PCDHA10: variants seen among roughly 807,000 people sequenced by gnomAD.
PCDHA10 encodes the protein protocadherin alpha-10.
Under a neutral mutation model 61.2 loss-of-function variants are expected in PCDHA10, and 45 were observed. The observed-to-expected ratio is 0.74, with a 90% CI of 0.58 to 0.94. The LOEUF (loss-of-function observed/expected upper bound fraction) is 0.94, where lower values mean the gene tolerates loss of function less well. Ranked by LOEUF, PCDHA10 falls within the 40% of genes least tolerant of loss-of-function variation. The pLI is 0.00. For missense variants in PCDHA10, 1,278 were observed against 1,236.2 expected, an observed-to-expected ratio of 1.03 and a Z score of -0.51; for synonymous variants, 602 against 548.8, an observed-to-expected ratio of 1.10 and a Z score of -1.35.
intron 1 of PCDHA10, chr5:140,969,289 G>C: frequency 6.2e-7 from 1 of 1,614,208 alleles, no homozygotes; most frequent in Non-Finnish European, 8.5e-7. Context: ...AGAATGCTGG[G>C]AACCTGATTA....
chr5:140,930,358 T>A (rs1253370170), intron 1 of PCDHA10: 1 of 152,216 alleles, frequency 6.6e-6, no homozygotes, highest in African/African-American at 2.4e-5. Context: ...AATATTTCAA[T>A]TTATCTGTTA....
At chr5:140,941,255 C>CTTTT (rs782490896) in intron 1 of PCDHA10, among the ~76,000 whole-genome samples, 1 of 44,504 alleles carries the variant, frequency 2.2e-5, no homozygotes, top group Non-Finnish European at 5.1e-5. Flanking sequence ...TTCTTTCTTT[C>CTTTT]TCTTTCTTTC....
rs1234453098 is a variant in PCDHA10, at chr5:141,010,058, C to A, written c.*121C>A. 2 of 1,600,982 alleles carry A rather than the reference C, an allele frequency of 1.2e-6. No homozygotes were observed. The highest frequency in any genetic ancestry group is 1.7e-6 in the Non-Finnish European group (2 of 1,173,736). Reference sequence around the variant, plus strand: ...GAGCCCTCTTAGAGACCTCAGAAATCTGCAGAAAGTTCCCTGTGTCTGTCT... The same window carrying A: ...GAGCCCTCTTAGAGACCTCAGAAATATGCAGAAAGTTCCCTGTGTCTGTCT... On this transcript the variant is annotated 3_prime_UTR_variant, in exon 4 of 4. Transcript: ENST00000307360.
At chr5:140,962,854 G>A (rs1396651838) in intron 1 of PCDHA10, among the ~76,000 whole-genome samples, 7 of 152,054 alleles carry the variant, frequency 4.6e-5, no homozygotes, top group African/African-American at 9.7e-5. Flanking sequence ...ACTTGTGCTC[G>A]GTTTGTAGAG....
At chr5:140,985,072 A>C (rs2097134751) in intron 3 of PCDHA10, among the ~76,000 whole-genome samples, 1 of 151,864 alleles carries the variant, frequency 6.6e-6, no homozygotes, top group Admixed American at 6.6e-5. Flanking sequence ...TGAGTAGCTG[A>C]GACTACAGGC....
chr5:140,930,098 A>G (rs1345846320), intron 1 of PCDHA10: 1 of 152,124 alleles, frequency 6.6e-6, no homozygotes, highest in Non-Finnish European at 1.5e-5. Flanking sequence ...ATTTATACTG[A>G]TAGGAGATCA....
At chr5:140,923,584 T>C (rs2081432624) in intron 1 of PCDHA10, among the ~76,000 whole-genome samples, 1 of 152,172 alleles carries the variant, frequency 6.6e-6, no homozygotes, top group South Asian at 2.1e-4. Context: ...AGAGAAGGTT[T>C]GTTAATTCAT....
At chr5:140,919,306 A>T (rs1407810868) in intron 1 of PCDHA10, among the ~76,000 whole-genome samples, 1 of 152,150 alleles carries the variant, frequency 6.6e-6, no homozygotes, top group Non-Finnish European at 1.5e-5. Context: ...TGTACAATAT[A>T]TGTTTTCCCA....
At chr5:140,876,742 G>C (rs1554168860) in intron 1 of PCDHA10, 3 of 1,614,274 alleles carry the variant, frequency 1.9e-6, no homozygotes, top group Admixed American at 3.3e-5. Context: ...CTATGAGCTG[G>C]TGGTGACTGC....
intron 1 of PCDHA10, among the ~76,000 whole-genome samples, chr5:140,937,771 G>T (rs558321540): frequency 6.6e-6 from 1 of 151,436 alleles, no homozygotes; most frequent in Non-Finnish European, 1.5e-5. Context: ...AATTAGTCGG[G>T]CGTGGTGGCG....
At chr5:140,930,184 G>A (rs2153603505) in intron 1 of PCDHA10, 1 of 152,258 alleles carries the variant, frequency 6.6e-6, no homozygotes, top group South Asian at 2.1e-4. Context: ...GGAAAGATGA[G>A]TAATTTTTAT....
intron 1 of PCDHA10, among the ~76,000 whole-genome samples, chr5:140,959,954 A>G (rs1054998147): frequency 6.6e-6 from 1 of 152,198 alleles, no homozygotes; most frequent in East Asian, 1.9e-4. Context: ...TATCATAGGT[A>G]GGAGGTAGAT....
chr5:140,883,960 G>A (rs2059914384), intron 1 of PCDHA10: 1 of 1,613,090 alleles, frequency 6.2e-7, no homozygotes. Context: ...ACGCTCCGGC[G>A]CTGCTGACGC....
At chr5:140,972,197 A>G (rs2096524584) in intron 1 of PCDHA10, among the ~76,000 whole-genome samples, 1 of 152,100 alleles carries the variant, frequency 6.6e-6, no homozygotes. Context: ...GCTGGAGTAT[A>G]GGTGTGAATA....
chr5:141,002,873 G>C (rs780574639), intron 3 of PCDHA10, among the ~76,000 whole-genome samples: 44 of 152,148 alleles, frequency 2.9e-4, no homozygotes, highest in Admixed American at 2.6e-4. Context: ...AAGTCCTCAA[G>C]AACAGAAAGA....
chr5:140,980,878 G>A (rs528577692), intron 2 of PCDHA10, among the ~76,000 whole-genome samples: 6 of 152,118 alleles, frequency 3.9e-5, no homozygotes, highest in East Asian at 1.9e-4. Context: ...GGGTGTTCTC[G>A]GTCTTTCCAG....
At chr5:140,951,312 A>G (rs1316911878) in intron 1 of PCDHA10, among the ~76,000 whole-genome samples, 1 of 152,146 alleles carries the variant, frequency 6.6e-6, no homozygotes, top group Non-Finnish European at 1.5e-5. Flanking sequence ...TTAATGTGTT[A>G]TTCTTGAGAT....
intron 1 of PCDHA10, chr5:140,967,785 G>C: frequency 6.2e-7 from 1 of 1,614,176 alleles, no homozygotes; most frequent in Non-Finnish European, 8.5e-7. Flanking sequence ...GCGACTGACC[G>C]GGGTCCAGTG....
intron 1 of PCDHA10, chr5:140,968,608 T>C: frequency 6.2e-7 from 1 of 1,614,242 alleles, no homozygotes; most frequent in South Asian, 1.1e-5. Context: ...ACTCAGACTC[T>C]GGGCAAAATG....
Sources: gnomAD v4.1 joint callset for allele counts (sites outside exome capture counted in the v4.1 genomes callset) on GRCh38, gnomAD v4.1.1 for gene constraint, MANE v1.5 for transcripts, NCBI Gene and HGNC (gene_info 2026-07-23, HGNC 2026-07-21) for gene names.